The following CELF2 variants were observed in gnomAD, a reference collection of about 807,000 sequenced individuals.
CELF2 encodes the protein CUG triplet repeat RNA-binding protein 2.
A neutral mutation model predicts 62.6 loss-of-function variants in CELF2; 8 were observed. The ratio of observed to expected loss-of-function variants is 0.13; its 90% CI spans 0.07 to 0.23. CELF2 has a LOEUF of 0.23. Ranked by LOEUF, CELF2 falls within the 10% of genes least tolerant of loss-of-function variation. The probability of loss-of-function intolerance (pLI) is 1.00; values close to 1 mark genes in which losing one functional copy is unlikely to be tolerated. For missense variants in CELF2, 333 were observed against 671.0 expected, an observed-to-expected ratio of 0.50 and a Z score of 5.56; for synonymous variants, 258 against 250.0, an observed-to-expected ratio of 1.03 and a Z score of -0.30.
At chr10:10,651,684 C>T in the CELF2 span, among the ~76,000 whole-genome samples, 99 of 151,330 alleles carry the variant, frequency 6.5e-4, no homozygotes, top group South Asian at 2.8e-3. Flanking sequence ...GGAAAACTAA[C>T]AAACAGAAAA....
At chr10:10,507,255 A>G in the CELF2 span, among the ~76,000 whole-genome samples, 2 of 152,076 alleles carry the variant, frequency 1.3e-5, no homozygotes, top group Non-Finnish European at 2.9e-5. Flanking sequence ...AGTCAAAATC[A>G]TAAAAGATAG....
At chr10:10,871,827 T>C (rs977237471) in intron 1 of CELF2, among the ~76,000 whole-genome samples, 3 of 152,078 alleles carry the variant, frequency 2.0e-5, no homozygotes, top group Non-Finnish European at 4.4e-5. Flanking sequence ...GAGGCAAACA[T>C]TGCCAGAAAT....
intron 1 of CELF2, among the ~76,000 whole-genome samples, chr10:10,875,590 C>A (rs978182160): frequency 6.6e-6 from 1 of 152,194 alleles, no homozygotes; most frequent in African/African-American, 2.4e-5. Context: ...TGTTTCTCCT[C>A]TTCCCTCTTT....
intron 2 of CELF2, among the ~76,000 whole-genome samples, chr10:11,188,206 A>G (rs1365818387): frequency 6.6e-6 from 1 of 152,212 alleles, no homozygotes; most frequent in Non-Finnish European, 1.5e-5. Context: ...CCTGGGTTCA[A>G]GTGATTCTCC....
the CELF2 span, among the ~76,000 whole-genome samples, chr10:10,587,261 A>G: frequency 3.4e-3 from 516 of 152,370 alleles, 3 homozygotes; most frequent in East Asian, 0.038. Context: ...AATTACATGC[A>G]ACAAAATGTC....
upstream of CELF2, among the ~76,000 whole-genome samples, chr10:11,017,041 T>C (rs2057350870): frequency 6.6e-6 from 1 of 152,256 alleles, no homozygotes; most frequent in Non-Finnish European, 1.5e-5. The surrounding 1 kb of genome is among the most constrained non-coding windows in gnomAD (Gnocchi z 5.5). Flanking sequence ...TCAATTAGAA[T>C]GTCACCTTAG....
chr10:10,467,847 C>T, the CELF2 span, among the ~76,000 whole-genome samples: 14 of 151,966 alleles, frequency 9.2e-5, no homozygotes, highest in Middle Eastern at 3.4e-3. Context: ...CATGGAAAAA[C>T]GGAATTGAAA....
intron 1 of CELF2, among the ~76,000 whole-genome samples, chr10:11,058,450 T>A (rs2065854314): frequency 6.7e-6 from 1 of 148,598 alleles, no homozygotes; most frequent in African/African-American, 2.5e-5. Flanking sequence ...TACTGTTGGT[T>A]TTTTTTGTTG....
At chr10:10,620,917 CAAA>C in the CELF2 span, among the ~76,000 whole-genome samples, 3,178 of 35,716 alleles carry the variant, frequency 0.089, 52 homozygotes, top group Middle Eastern at 0.21. Flanking sequence ...GACCCCATCT[CAAA>C]AAAAAAAAAA....
At chr10:11,147,880 G>A (rs1346110793) in intron 1 of CELF2, among the ~76,000 whole-genome samples, 1 of 152,182 alleles carries the variant, frequency 6.6e-6, no homozygotes, top group Non-Finnish European at 1.5e-5. Flanking sequence ...CCTCGCCTGG[G>A]CTCACACACA....
the CELF2 span, among the ~76,000 whole-genome samples, chr10:10,746,314 A>T: frequency 6.6e-6 from 1 of 150,540 alleles, no homozygotes; most frequent in Non-Finnish European, 1.5e-5. Context: ...CAGATATTTA[A>T]TATTCAATTA....
chr10:10,850,111 T>C (rs1455197251), intron 1 of CELF2, among the ~76,000 whole-genome samples: 4 of 152,132 alleles, frequency 2.6e-5, no homozygotes, highest in East Asian at 3.8e-4. Flanking sequence ...ATCACGCCAC[T>C]GTACTCCAGC....
chr10:10,481,365 A>G, the CELF2 span, among the ~76,000 whole-genome samples: 1 of 152,202 alleles, frequency 6.6e-6, no homozygotes, highest in African/African-American at 2.4e-5. Flanking sequence ...TACCTAGTAT[A>G]TGTTGGTCCA....
chr10:11,202,937 CTCTCTCTCTCTCTCTGTG>C lies in CELF2; in HGVS notation c.272-14486_272-14469del, dbSNP rs1386859444. 7.9e-4 allele frequency among the ~76,000 whole-genome samples: 67 copies of C among 84,378 alleles called. 1 individual carries two copies. Among genetic ancestry groups the C allele is most frequent in the South Asian group, 4.9e-3 (15 of 3,036 alleles). The allele number at this position is 84,378 out of a possible 152,430, so 55.4% of individuals were successfully genotyped here. On this transcript the variant is annotated intron_variant, in intron 2 of 12. Transcript: ENST00000633077. ...TCTCTCTCTCTCTCTCTCTCTCTCT[CTCTCTCTCTCTCTCTGTG>C]TGTGTGTGTGTGTGTGTAATCCAAA... is the stretch of plus-strand genomic sequence containing the variant.
intron 2 of CELF2, among the ~76,000 whole-genome samples, chr10:11,187,663 T>C (rs1217205744): frequency 6.6e-6 from 1 of 152,194 alleles, no homozygotes; most frequent in Non-Finnish European, 1.5e-5. Context: ...TTACTAGTTA[T>C]AGCTCTTTTT....
At chr10:11,188,812 T>A (rs1015604486) in intron 2 of CELF2, among the ~76,000 whole-genome samples, 1 of 152,216 alleles carries the variant, frequency 6.6e-6, no homozygotes, top group African/African-American at 2.4e-5. Flanking sequence ...CTCACTAATG[T>A]GTTTTTTTCT....
At chr10:11,042,881 A>G (rs2062093906) in intron 1 of CELF2, among the ~76,000 whole-genome samples, 1 of 152,126 alleles carries the variant, frequency 6.6e-6, no homozygotes, top group African/African-American at 2.4e-5. Context: ...CCTCATTTTT[A>G]TGGCCCAATA....
intron 1 of CELF2, among the ~76,000 whole-genome samples, chr10:11,129,221 A>G (rs544192222): frequency 6.6e-6 from 1 of 152,192 alleles, no homozygotes; most frequent in African/African-American, 2.4e-5. Context: ...CATCCCAGGG[A>G]TGAAGCCGAC....
Position 11,334,168 on chromosome 10 carries a change from T to C in CELF2, c.*5115T>C, listed in dbSNP as rs1302247261. On this transcript the variant is annotated 3_prime_UTR_variant, in exon 13 of 13. Transcript: ENST00000633077. Reference sequence around the variant, plus strand: ...TTTAGAAGTACTCAGTCACTTTAAGTGGATAAATGTATTAGTTAAAACTTT... The same window carrying C: ...TTTAGAAGTACTCAGTCACTTTAAGCGGATAAATGTATTAGTTAAAACTTT... The C allele has an allele frequency of 6.5e-6, 1 of 152,690 alleles. No homozygotes were observed. The allele number at this position is 152,690 out of a possible 1,614,324, so 9.5% of individuals were successfully genotyped here.
Sources: allele counts gnomAD v4.1 joint callset (sites outside exome capture counted in the v4.1 genomes callset), GRCh38; gene constraint gnomAD v4.1.1; non-coding constraint Gnocchi (gnomAD v3.1); transcripts MANE v1.5; gene names NCBI Gene and HGNC (gene_info 2026-07-23, HGNC 2026-07-21).